SH3GL2: variants seen among roughly 807,000 people sequenced by gnomAD.
SH3GL2 encodes endophilin-A1.
Under a neutral mutation model 46.0 loss-of-function variants are expected in SH3GL2, and 24 were observed. The ratio of observed to expected loss-of-function variants is 0.52; its 90% CI spans 0.38 to 0.73. SH3GL2 has a LOEUF of 0.73. Ranked by LOEUF, SH3GL2 falls within the 30% of genes least tolerant of loss-of-function variation. The pLI is 0.00. For missense variants in SH3GL2, 413 were observed against 424.2 expected, an observed-to-expected ratio of 0.97 and a Z score of 0.23; for synonymous variants, 196 against 147.1, an observed-to-expected ratio of 1.33 and a Z score of -2.40.
chr9:17,669,063 C>T (rs959503218), intron 1 of SH3GL2, among the ~76,000 whole-genome samples: 7 of 152,050 alleles, frequency 4.6e-5, no homozygotes, highest in Non-Finnish European at 8.8e-5. Context: ...CTTCAAAGTC[C>T]GTTTCTCTGT....
chr9:17,624,527 A>G (rs201014541), intron 1 of SH3GL2, among the ~76,000 whole-genome samples: 2 of 147,432 alleles, frequency 1.4e-5, no homozygotes, highest in Non-Finnish European at 1.5e-5. Flanking sequence ...ATATAATTTT[A>G]TTTATTTATT....
chr9:17,723,805 T>A (rs28580633), intron 1 of SH3GL2, among the ~76,000 whole-genome samples: 6,783 of 152,160 alleles, frequency 0.045, 424 homozygotes, highest in African/African-American at 0.13. Context: ...ATTTGCACTT[T>A]GAATGTGTCA....
At chr9:17,631,438 G>C (rs1001620855) in intron 1 of SH3GL2, among the ~76,000 whole-genome samples, 1 of 152,176 alleles carries the variant, frequency 6.6e-6, no homozygotes, top group African/African-American at 2.4e-5. Context: ...TGTTTCTTGT[G>C]TCATTCTTTT....
At position 17,691,292 on chromosome 9, in the gene SH3GL2, C is replaced by T. The variant is rs76327078; in HGVS notation, c.46-55774C>T. On this transcript the variant is annotated intron_variant, in intron 1 of 8. Transcript: ENST00000380607. ...AATTGGTCTTTTAATTCCTACTAAC[C>T]CTAATTCTACTTTTATTTTATCTAT... Among the ~76,000 whole-genome samples the T allele has an allele frequency of 5.3e-5, 8 of 152,190 alleles. No individual in the cohort carries two copies. In the East Asian group the frequency reaches 1.5e-3, roughly 29 times the overall value.
At chr9:17,648,325 T>G (rs1272957414) in intron 1 of SH3GL2, among the ~76,000 whole-genome samples, 1 of 152,164 alleles carries the variant, frequency 6.6e-6, no homozygotes, top group Non-Finnish European at 1.5e-5. Flanking sequence ...AAAGGTGCTG[T>G]ACAAAGATGA....
chr9:17,629,189 C>A (rs1216944566), intron 1 of SH3GL2, among the ~76,000 whole-genome samples: 4 of 152,124 alleles, frequency 2.6e-5, no homozygotes, highest in Non-Finnish European at 5.9e-5. Context: ...CTGGATTAGT[C>A]ACAAGGCCTT....
chr9:17,706,055 T>C (rs1821465300), intron 1 of SH3GL2, among the ~76,000 whole-genome samples: 2 of 152,008 alleles, frequency 1.3e-5, no homozygotes. Flanking sequence ...ATATAGAAAG[T>C]ATTAGTCGAT....
intron 2 of SH3GL2, among the ~76,000 whole-genome samples, chr9:17,760,546 A>G (rs1298244543): frequency 2.0e-5 from 3 of 152,112 alleles, no homozygotes; most frequent in African/African-American, 7.2e-5. Context: ...AGTTTCTCAT[A>G]GTTGAAGGGG....
intron 1 of SH3GL2, among the ~76,000 whole-genome samples, chr9:17,654,046 C>T (rs998849187): frequency 6.6e-6 from 1 of 152,112 alleles, no homozygotes; most frequent in African/African-American, 2.4e-5. Context: ...TTGACTTTAC[C>T]CCCCTCTCTC....
chr9:17,752,575 A>G (rs1286551401), intron 2 of SH3GL2, among the ~76,000 whole-genome samples: 1 of 152,012 alleles, frequency 6.6e-6, no homozygotes, highest in Non-Finnish European at 1.5e-5. Context: ...ATAGCTCACT[A>G]TCACCTCAAA....
intron 1 of SH3GL2, among the ~76,000 whole-genome samples, chr9:17,687,195 T>G (rs1365464352): frequency 6.6e-6 from 1 of 152,144 alleles, no homozygotes; most frequent in Non-Finnish European, 1.5e-5. Flanking sequence ...CATTTCATCA[T>G]CTAGAACCAT....
intron 1 of SH3GL2, among the ~76,000 whole-genome samples, chr9:17,698,200 A>C (rs1228325557): frequency 6.6e-6 from 1 of 152,214 alleles, no homozygotes; most frequent in Non-Finnish European, 1.5e-5. Flanking sequence ...GCAGGCAGTC[A>C]CTTGTCACTT....
At chr9:17,763,586 G>A (rs551361914) in intron 3 of SH3GL2, among the ~76,000 whole-genome samples, 2 of 152,308 alleles carry the variant, frequency 1.3e-5, no homozygotes, top group Admixed American at 1.3e-4. Context: ...AGAGCCTCCA[G>A]AGGGAACCAA....
chr9:17,640,354 TTTTTC>T (rs1307016529), intron 1 of SH3GL2, among the ~76,000 whole-genome samples: 4 of 152,156 alleles, frequency 2.6e-5, no homozygotes, highest in Non-Finnish European at 5.9e-5. Context: ...AAAGTTTCCT[TTTTTC>T]TTTTTTTTAA....
chr9:17,658,255 T>C (rs1258779148), intron 1 of SH3GL2, among the ~76,000 whole-genome samples: 2 of 152,322 alleles, frequency 1.3e-5, no homozygotes, highest in Middle Eastern at 3.4e-3. Flanking sequence ...CTCAGATGGG[T>C]ACCTACTATT....
chr9:17,752,454 T>C (rs1822873384), intron 2 of SH3GL2, among the ~76,000 whole-genome samples: 1 of 152,226 alleles, frequency 6.6e-6, no homozygotes, highest in Non-Finnish European at 1.5e-5. Flanking sequence ...TTACCCATTT[T>C]CAAGTGGGTG....
intron 3 of SH3GL2, among the ~76,000 whole-genome samples, chr9:17,781,422 G>T (rs7854841): frequency 0.064 from 9,424 of 146,164 alleles, 685 homozygotes; most frequent in African/African-American, 0.18. Flanking sequence ...TTTCTCCCAT[G>T]TTGTAGGTTG....
intron 1 of SH3GL2, among the ~76,000 whole-genome samples, chr9:17,679,271 A>G (rs1215031562): frequency 6.6e-6 from 1 of 152,158 alleles, no homozygotes; most frequent in African/African-American, 2.4e-5. Context: ...TGAGCATGGA[A>G]TGTTCTTCCA....
chr9:17,614,295 G>GAAAAAAAAAAAAA (rs3084628), intron 1 of SH3GL2, among the ~76,000 whole-genome samples: 11 of 70,296 alleles, frequency 1.6e-4, no homozygotes, highest in East Asian at 5.2e-4. Flanking sequence ...CATGGTTTCT[G>GAAAAAAAAAAAAA]AAAAAAAAAA....
Sources: allele counts gnomAD v4.1 joint callset (sites outside exome capture counted in the v4.1 genomes callset), GRCh38; gene constraint gnomAD v4.1.1; transcripts MANE v1.5; gene names NCBI Gene and HGNC (gene_info 2026-07-23, HGNC 2026-07-21).